Variants in TENM3 observed in about 807,000 individuals in gnomAD.
The protein encoded by TENM3 is teneurin transmembrane protein 3.
In TENM3, 63 loss-of-function variants were observed where a neutral mutation model predicts 255.1. The observed-to-expected ratio is 0.25, with a 90% CI of 0.20 to 0.30. The LOEUF is 0.30. TENM3 is among the 10% of genes least tolerant of loss of function. The pLI is 1.00. For synonymous variants in TENM3, 1,306 were observed against 1,322.3 expected (o/e 0.99, Z 0.27); for missense variants, 2,929 against 3,461.1 (o/e 0.85, Z 3.86).
At chr4:181,580,267 G>A in the TENM3 span, among the ~76,000 whole-genome samples, 14 of 152,062 alleles carry the variant, frequency 9.2e-5, no homozygotes, top group Admixed American at 4.6e-4. Context: ...CAACATTCTG[G>A]GATTACAAAC....
the TENM3 span, among the ~76,000 whole-genome samples, chr4:181,857,192 A>G: frequency 6.6e-6 from 1 of 152,078 alleles, no homozygotes; most frequent in Admixed American, 6.6e-5. Context: ...CACTGAATTT[A>G]GATTTGGTGA....
the TENM3 span, among the ~76,000 whole-genome samples, chr4:182,135,851 C>G: frequency 2.6e-5 from 4 of 152,298 alleles, no homozygotes; most frequent in Non-Finnish European, 5.9e-5. Context: ...AGTTCACAGA[C>G]AAGAAGTTTT....
chr4:182,699,726 T>C (rs1335594048), intron 12 of TENM3, among the ~76,000 whole-genome samples: 27 of 152,224 alleles, frequency 1.8e-4, no homozygotes, highest in Non-Finnish European at 2.5e-4. Context: ...GTAAGTGATA[T>C]GTCAAATTCA....
chr4:181,692,324 A>G, the TENM3 span, among the ~76,000 whole-genome samples: 1 of 152,184 alleles, frequency 6.6e-6, no homozygotes, highest in Non-Finnish European at 1.5e-5. Flanking sequence ...ACACTCTATC[A>G]TTTCCAAGTC....
At chr4:182,635,254 G>A (rs1419175866) in intron 5 of TENM3, among the ~76,000 whole-genome samples, 1 of 152,194 alleles carries the variant, frequency 6.6e-6, no homozygotes, top group Non-Finnish European at 1.5e-5. Context: ...ACAACAGAGT[G>A]TTTTAAATCA....
chr4:181,910,999 T>C, the TENM3 span, among the ~76,000 whole-genome samples: 3 of 152,174 alleles, frequency 2.0e-5, no homozygotes, highest in South Asian at 6.2e-4. Flanking sequence ...GCAAACTTAT[T>C]TGAGTACATC....
intron 2 of TENM3, among the ~76,000 whole-genome samples, chr4:182,339,508 T>A (rs570888112): frequency 1.3e-5 from 2 of 152,318 alleles, no homozygotes; most frequent in South Asian, 2.1e-4. Context: ...GCAGCCAACC[T>A]GCTTTGTGGA....
At chr4:181,938,994 C>CT in the TENM3 span, among the ~76,000 whole-genome samples, 1 of 151,978 alleles carries the variant, frequency 6.6e-6, no homozygotes, top group Admixed American at 6.6e-5. Flanking sequence ...ATTTCTTTTG[C>CT]TTCAGTCTGC....
At chr4:181,486,546 G>T in the TENM3 span, among the ~76,000 whole-genome samples, 1 of 152,200 alleles carries the variant, frequency 6.6e-6, no homozygotes, top group Non-Finnish European at 1.5e-5. Context: ...TCAGCTAAAT[G>T]AATCGCAGAT....
At chr4:181,952,137 G>C in the TENM3 span, among the ~76,000 whole-genome samples, 11 of 152,194 alleles carry the variant, frequency 7.2e-5, no homozygotes, top group African/African-American at 2.4e-4. Context: ...TTAGGGATGT[G>C]ATCTGTGGAA....
intron 3 of TENM3, among the ~76,000 whole-genome samples, chr4:182,391,852 T>C (rs149603242): frequency 1.7e-3 from 263 of 152,252 alleles, no homozygotes; most frequent in African/African-American, 5.9e-3. Context: ...GGTTGACTTC[T>C]TCCTCTACAA....
At chr4:182,000,045 A>C in the TENM3 span, among the ~76,000 whole-genome samples, 1 of 152,170 alleles carries the variant, frequency 6.6e-6, no homozygotes, top group Non-Finnish European at 1.5e-5. Context: ...TAGACTTCAG[A>C]GATTTTAATT....
chr4:182,227,966 T>C (rs1031120716), intron 1 of TENM3, among the ~76,000 whole-genome samples: 16 of 152,132 alleles, frequency 1.1e-4, no homozygotes, highest in Non-Finnish European at 1.8e-4. Context: ...TTCTTAGCAA[T>C]AAAATGTAAG....
the TENM3 span, among the ~76,000 whole-genome samples, chr4:182,052,602 T>C: frequency 2.0e-5 from 3 of 152,132 alleles, no homozygotes; most frequent in African/African-American, 7.2e-5. Context: ...CACTCAGCTC[T>C]TCACCTCGGA....
intron 3 of TENM3, among the ~76,000 whole-genome samples, chr4:182,407,717 T>C (rs913784401): frequency 4.3e-4 from 66 of 152,162 alleles, no homozygotes; most frequent in African/African-American, 1.4e-3. Context: ...TGTAATGAAA[T>C]TGACATTTGT....
chr4:182,278,819 T>TA (rs1276099310), intron 1 of TENM3, among the ~76,000 whole-genome samples: 1 of 152,198 alleles, frequency 6.6e-6, no homozygotes, highest in Admixed American at 6.5e-5. Context: ...AGCATGGTGC[T>TA]AGTGTAGGTT....
chr4:182,168,553 T>C (rs1358115859), intron 1 of TENM3, among the ~76,000 whole-genome samples: 4 of 152,260 alleles, frequency 2.6e-5, no homozygotes, highest in African/African-American at 9.6e-5. Flanking sequence ...CCGCTGCTGA[T>C]ACTTCTATTA....
intron 5 of TENM3, among the ~76,000 whole-genome samples, chr4:182,633,112 T>G (rs988448464): frequency 2.0e-5 from 3 of 151,974 alleles, no homozygotes; most frequent in Non-Finnish European, 4.4e-5. Flanking sequence ...TTTATTTTTT[T>G]GTAGAGACAA....
chr4:181,709,450 G>C, the TENM3 span, among the ~76,000 whole-genome samples: 1 of 152,228 alleles, frequency 6.6e-6, no homozygotes, highest in Non-Finnish European at 1.5e-5. Flanking sequence ...AGGAAAGTGT[G>C]AGACCATTAA....
Sources: allele counts gnomAD v4.1 joint callset (sites outside exome capture counted in the v4.1 genomes callset), GRCh38; gene constraint gnomAD v4.1.1; transcripts MANE v1.5; gene names NCBI Gene and HGNC (gene_info 2026-07-23, HGNC 2026-07-21).